NBAS: variants seen among roughly 807,000 people sequenced by gnomAD.
NBAS encodes the protein NAG/BC035112 fusion.
In NBAS, 219 loss-of-function variants were observed where a neutral mutation model predicts 302.5. The ratio of observed to expected loss-of-function variants is 0.72; its 90% confidence interval spans 0.65 to 0.81. The LOEUF (loss-of-function observed/expected upper bound fraction) is 0.81. Ranked by LOEUF, NBAS falls within the 30% of genes least tolerant of loss-of-function variation. The pLI is 0.00. For synonymous variants in NBAS, 1,118 were observed against 1,021.6 expected (o/e 1.09, Z -1.80); for missense variants, 2,932 against 2,841.6 (o/e 1.03, Z -0.72).
intron 28 of NBAS, among the ~76,000 whole-genome samples, chr2:15,387,477 G>C (rs894732667): frequency 6.6e-6 from 1 of 152,016 alleles, no homozygotes; most frequent in African/African-American, 2.4e-5. Flanking sequence ...TGACAATATA[G>C]AAAGAGACAA....
At chr2:15,362,949 G>A (rs547164386) in intron 32 of NBAS, among the ~76,000 whole-genome samples, 5 of 152,186 alleles carry the variant, frequency 3.3e-5, no homozygotes, top group South Asian at 2.1e-4. Flanking sequence ...GGGGCCAGGC[G>A]CAGTGGTTCA....
chr2:15,238,501 G>A lies in NBAS; in HGVS notation c.5910C>T (p.His1970=). ...TATTCTTCAGAGAAAGGATGAAGCT[G>A]TGGCTCAGGGTTTCCAGGTGGGCAA... is the stretch of plus-strand genomic sequence containing the variant. ...KSLAHLETLS[H]SFILSLKNSE... Residue 1970 remains histidine (H), a synonymous_variant, in exon 45 of 52, where the codon CAC becomes CAT. Coordinates refer to ENST00000281513, the MANE Select transcript of NBAS (RefSeq NM_015909.4). The A allele has an allele frequency of 6.2e-7, 1 of 1,614,174 alleles. No homozygotes were observed. Among genetic ancestry groups the A allele is most frequent in the Non-Finnish European group, 8.5e-7 (1 of 1,180,012 alleles).
rs1293968219 is a variant in NBAS, at chr2:15,561,169, G to C, written c.117+19C>G. On this transcript the variant is annotated intron_variant, in intron 1 of 51. Transcript: ENST00000281513. ...CGCCCGCGCCAAGCTGGCTGCTGCTGTAGATGGGCCTGGTTCACCTGTACT... is the reference window on the plus strand; with the variant it reads ...CGCCCGCGCCAAGCTGGCTGCTGCTCTAGATGGGCCTGGTTCACCTGTACT... 6.2e-7 allele frequency: 1 copy of C among 1,608,970 alleles called. No homozygotes were observed. The highest frequency in any genetic ancestry group is 1.1e-5 in the South Asian group (1 of 90,960).
At chr2:14,783,470 C>T in the NBAS span, among the ~76,000 whole-genome samples, 9 of 118,480 alleles carry the variant, frequency 7.6e-5, 1 homozygote, top group East Asian at 2.5e-3. Context: ...TCCCTCCCCC[C>T]TCCCCCCACC....
At chr2:15,186,703 A>T (rs1665103127) in intron 50 of NBAS, 39 bp downstream of exon 50, 1 of 1,613,294 alleles carries the variant, frequency 6.2e-7, no homozygotes, top group African/African-American at 1.3e-5. Flanking sequence ...TGATAAGCAA[A>T]GGCCACTCCT....
the NBAS span, among the ~76,000 whole-genome samples, chr2:14,940,382 CCCCCTT>C: frequency 6.6e-6 from 1 of 152,140 alleles, no homozygotes; most frequent in African/African-American, 2.4e-5. Flanking sequence ...CATGTCTGTT[CCCCCTT>C]CCCCTTCCGC....
At chr2:15,240,373 T>C (rs1449679672) in intron 44 of NBAS, among the ~76,000 whole-genome samples, 3 of 144,368 alleles carry the variant, frequency 2.1e-5, no homozygotes, top group African/African-American at 5.2e-5. Flanking sequence ...GAGGCCAAGA[T>C]GGATGGATCA....
intron 10 of NBAS, among the ~76,000 whole-genome samples, chr2:15,505,578 GA>G (rs1055118766): frequency 1.3e-5 from 2 of 152,020 alleles, no homozygotes; most frequent in African/African-American, 4.8e-5. Flanking sequence ...AAACAAAACC[GA>G]AAAAATCTGC....
the NBAS span, among the ~76,000 whole-genome samples, chr2:15,018,862 T>C: frequency 6.6e-6 from 1 of 152,234 alleles, no homozygotes; most frequent in African/African-American, 2.4e-5. Flanking sequence ...GCATAGATTC[T>C]TTTTCCTCTT....
chr2:15,519,133 T>C (rs1196967681), intron 9 of NBAS, among the ~76,000 whole-genome samples: 2 of 152,312 alleles, frequency 1.3e-5, no homozygotes, highest in Non-Finnish European at 2.9e-5. Flanking sequence ...AGAAACTATA[T>C]AATCTTGAGA....
At chr2:14,923,021 A>C in the NBAS span, among the ~76,000 whole-genome samples, 1 of 152,134 alleles carries the variant, frequency 6.6e-6, no homozygotes, top group African/African-American at 2.4e-5. Context: ...GCGCCATGGC[A>C]GGTGCCTGTA....
chr2:14,969,838 T>A, the NBAS span, among the ~76,000 whole-genome samples: 2 of 152,024 alleles, frequency 1.3e-5, no homozygotes, highest in African/African-American at 4.8e-5. Context: ...TGATAAAGGC[T>A]TCGGGTGGTG....
chr2:15,283,367 T>G (rs770156289), intron 42 of NBAS, among the ~76,000 whole-genome samples: 4 of 152,054 alleles, frequency 2.6e-5, no homozygotes, highest in Non-Finnish European at 4.4e-5. Flanking sequence ...AATCCCCACG[T>G]GTTGTGGGAG....
chr2:14,913,240 C>T, the NBAS span, among the ~76,000 whole-genome samples: 176 of 152,284 alleles, frequency 1.2e-3, no homozygotes, highest in Non-Finnish European at 1.8e-3. Context: ...GACAGATAAA[C>T]GCAGACCACA....
At chr2:14,793,068 T>TTCTCTCTCTCTC in the NBAS span, among the ~76,000 whole-genome samples, 1 of 147,416 alleles carries the variant, frequency 6.8e-6, no homozygotes, top group African/African-American at 2.5e-5. Flanking sequence ...CTGTCTCTGT[T>TTCTCTCTCTCTC]TCTCTCTCTC....
chr2:15,090,462 T>C, the NBAS span, among the ~76,000 whole-genome samples: 3 of 152,246 alleles, frequency 2.0e-5, no homozygotes, highest in Non-Finnish European at 4.4e-5. Context: ...TGCAGGACTG[T>C]CATCTGGCTT....
At chr2:14,879,331 ATTC>A in the NBAS span, among the ~76,000 whole-genome samples, 8 of 152,178 alleles carry the variant, frequency 5.3e-5, no homozygotes, top group Non-Finnish European at 8.8e-5. Context: ...ACTAGAGTAT[ATTC>A]TTCTCACTGT....
intron 47 of NBAS, among the ~76,000 whole-genome samples, chr2:15,219,185 T>C (rs1666802508): frequency 6.6e-6 from 1 of 152,238 alleles, no homozygotes; most frequent in Non-Finnish European, 1.5e-5. Flanking sequence ...AACAGTATCA[T>C]ATTAAAATGA....
chr2:15,490,093 G>A (rs1357930239), intron 11 of NBAS, among the ~76,000 whole-genome samples: 1 of 93,490 alleles, frequency 1.1e-5, no homozygotes, highest in Non-Finnish European at 2.7e-5. Context: ...TATTGCTCCA[G>A]TATTGGGGTC....
Sources: gnomAD v4.1 joint callset for allele counts (sites outside exome capture counted in the v4.1 genomes callset) on GRCh38, gnomAD v4.1.1 for gene constraint, MANE v1.5 for transcripts, NCBI Gene and HGNC (gene_info 2026-07-23, HGNC 2026-07-21) for gene names.